B3GALT1: variants seen among roughly 807,000 people sequenced by gnomAD.
B3GALT1 encodes beta-1,3-galactosyltransferase 1, also known as UDP-Gal:betaGlcNAc beta 1,3-galactosyltransferase, polypeptide 1.
A neutral mutation model predicts 23.2 loss-of-function variants in B3GALT1; 10 were observed. That is an observed-to-expected ratio of 0.43 (90% CI 0.27 to 0.73). The LOEUF (loss-of-function observed/expected upper bound fraction) is 0.73. B3GALT1 is among the 30% of genes least tolerant of loss of function. B3GALT1 has a pLI of 0.21. For synonymous variants in B3GALT1, 156 were observed against 141.5 expected, an observed-to-expected ratio of 1.10 and a Z score of -0.73; for missense variants, 299 against 405.4, an observed-to-expected ratio of 0.74 and a Z score of 2.25.
rs75023809 is a variant in B3GALT1, at chr2:167,744,895, C to T, written c.-351-73777C>T. Among the ~76,000 whole-genome samples, 448 of 152,284 alleles carry T rather than the reference C, an allele frequency of 2.9e-3. 1 individual carries two copies. The highest frequency in any genetic ancestry group is 4.4e-3 in the Non-Finnish European group (302 of 68,004). Reference sequence around the variant, plus strand: ...GAACCACCACACCCGGCCAGACATACCATTTATACACAGTAAATGTCTTGT... The same window carrying T: ...GAACCACCACACCCGGCCAGACATATCATTTATACACAGTAAATGTCTTGT... On this transcript the variant is annotated intron_variant, in intron 3 of 4. Coordinates refer to ENST00000392690, the MANE Select transcript of B3GALT1 (RefSeq NM_020981.4).
chr2:167,497,283 G>C (rs1699795336), intron 2 of B3GALT1, among the ~76,000 whole-genome samples: 1 of 152,074 alleles, frequency 6.6e-6, no homozygotes, highest in Admixed American at 6.6e-5. Flanking sequence ...GGTTAGAAGA[G>C]TCTCCATGAA....
At chr2:167,785,262 T>A (rs1688321346) in intron 3 of B3GALT1, among the ~76,000 whole-genome samples, 1 of 152,036 alleles carries the variant, frequency 6.6e-6, no homozygotes, top group Non-Finnish European at 1.5e-5. Context: ...AGGTGAGGGA[T>A]CTGTGGGAAG....
intron 1 of B3GALT1, among the ~76,000 whole-genome samples, chr2:167,402,603 G>T (rs1698211032): frequency 6.6e-6 from 1 of 152,046 alleles, no homozygotes; most frequent in Non-Finnish European, 1.5e-5. Flanking sequence ...TACCTAGGAG[G>T]TAGGTATTAT....
At chr2:167,524,690 C>T (rs1332648800) in intron 2 of B3GALT1, among the ~76,000 whole-genome samples, 1 of 152,188 alleles carries the variant, frequency 6.6e-6, no homozygotes, top group Non-Finnish European at 1.5e-5. Flanking sequence ...GCTCCTCGAT[C>T]TGCCATCAGA....
At chr2:167,357,780 A>G (rs576212264) in intron 1 of B3GALT1, among the ~76,000 whole-genome samples, 1 of 152,302 alleles carries the variant, frequency 6.6e-6, no homozygotes, top group East Asian at 1.9e-4. Context: ...ACATTTCTTT[A>G]TATCTGTTTG....
chr2:167,409,788 C>T (rs961843225), intron 1 of B3GALT1, among the ~76,000 whole-genome samples: 10 of 150,806 alleles, frequency 6.6e-5, no homozygotes, highest in Admixed American at 2.6e-4. Flanking sequence ...CAGATGCTGG[C>T]GAAGGTGTGG....
At chr2:167,433,594 T>A (rs140541975) in intron 1 of B3GALT1, among the ~76,000 whole-genome samples, 6 of 152,196 alleles carry the variant, frequency 3.9e-5, no homozygotes, top group Admixed American at 3.9e-4. Flanking sequence ...ATGGAAGAAA[T>A]TTCAAAATGT....
intron 1 of B3GALT1, among the ~76,000 whole-genome samples, chr2:167,426,796 C>T (rs574681541): frequency 1.3e-5 from 2 of 152,266 alleles, no homozygotes; most frequent in South Asian, 2.1e-4. Flanking sequence ...AAAACCACTC[C>T]GCAAAATGAT....
intron 4 of B3GALT1, among the ~76,000 whole-genome samples, chr2:167,867,148 G>A (rs372240157): frequency 0.033 from 5,002 of 152,052 alleles, 109 homozygotes; most frequent in Non-Finnish European, 0.049. Context: ...GGATGGTCTC[G>A]ATCTCCTGAC....
intron 4 of B3GALT1, among the ~76,000 whole-genome samples, chr2:167,820,477 T>A (rs1300105735): frequency 1.3e-5 from 2 of 152,146 alleles, no homozygotes; most frequent in African/African-American, 4.8e-5. Flanking sequence ...AGCATTTAAT[T>A]GCTGTTGCAG....
chr2:167,597,569 G>A (rs1298861668), intron 2 of B3GALT1, among the ~76,000 whole-genome samples: 1 of 152,158 alleles, frequency 6.6e-6, no homozygotes, highest in Non-Finnish European at 1.5e-5. Flanking sequence ...AGAGAAATGA[G>A]GGAGCTTTGG....
At chr2:167,725,951 CTGACCTATATTTTAAA>C (rs1176004644) in intron 3 of B3GALT1, among the ~76,000 whole-genome samples, 1 of 152,196 alleles carries the variant, frequency 6.6e-6, no homozygotes, top group Non-Finnish European at 1.5e-5. Context: ...TATGCCACTG[CTGACCTATATTTTAAA>C]ATATTTATGG....
chr2:167,411,370 C>G (rs916436937), intron 1 of B3GALT1, among the ~76,000 whole-genome samples: 1 of 27,208 alleles, frequency 3.7e-5, no homozygotes, highest in African/African-American at 1.3e-4. Flanking sequence ...CAATAGCAAA[C>G]AAAAAACCAA....
chr2:167,804,472 C>G (rs1376492787), intron 3 of B3GALT1, among the ~76,000 whole-genome samples: 2 of 152,024 alleles, frequency 1.3e-5, no homozygotes, highest in African/African-American at 4.8e-5. Context: ...TGCTATCCCT[C>G]CCCCTTCTGC....
At chr2:167,713,945 G>C (rs1687103086) in intron 3 of B3GALT1, 1 of 1,565,964 alleles carries the variant, frequency 6.4e-7, no homozygotes, top group Non-Finnish European at 8.8e-7. Flanking sequence ...CAGGCCCCTT[G>C]TATCCACTGG....
chr2:167,326,430 A>C (rs1181605828), intron 1 of B3GALT1, among the ~76,000 whole-genome samples: 1 of 151,942 alleles, frequency 6.6e-6, no homozygotes, highest in Non-Finnish European at 1.5e-5. Flanking sequence ...GCAGCTTTTT[A>C]ATTTAATGAA....
At chr2:167,839,876 A>T (rs1223330193) in intron 4 of B3GALT1, among the ~76,000 whole-genome samples, 1 of 152,182 alleles carries the variant, frequency 6.6e-6, no homozygotes, top group African/African-American at 2.4e-5. Context: ...ATAACGCCGC[A>T]TATCTGCAAC....
intron 1 of B3GALT1, among the ~76,000 whole-genome samples, chr2:167,482,723 C>A (rs1477317979): frequency 6.6e-6 from 1 of 152,016 alleles, no homozygotes; most frequent in Non-Finnish European, 1.5e-5. Context: ...GCCTGTAATC[C>A]CAACTGCTAG....
rs547750910 is a variant in B3GALT1, at chr2:167,667,999, G to C, written c.-352+21033G>C. On this transcript the variant is annotated intron_variant, in intron 3 of 4. Coordinates refer to ENST00000392690, the MANE Select transcript of B3GALT1 (RefSeq NM_020981.4). ...TGTTCCATTGCTGGTGAGGAGCTGC[G>C]TTCCTTTGGAGGAGGAGAGGCGCTC... 3.1e-3 allele frequency among the ~76,000 whole-genome samples: 476 copies of C among 152,218 alleles called. 6 individuals are homozygous for C. Among genetic ancestry groups the C allele is most frequent in the African/African-American group, 9.8e-3 (407 of 41,544 alleles).
Sources: gnomAD v4.1 joint callset for allele counts (sites outside exome capture counted in the v4.1 genomes callset) on GRCh38, gnomAD v4.1.1 for gene constraint, MANE v1.5 for transcripts, NCBI Gene and HGNC (gene_info 2026-07-23, HGNC 2026-07-21) for gene names.